RAB3IL1: variants seen among roughly 807,000 people sequenced by gnomAD.
RAB3IL1 encodes the protein RAB3A interacting protein like 1, also known as guanine nucleotide exchange factor for Rab-3A.
RAB3IL1 carries 37 observed loss-of-function variants against 49.2 expected under a neutral mutation model. The observed-to-expected ratio is 0.75, with a 90% CI of 0.58 to 0.99. RAB3IL1 has a LOEUF of 0.99. RAB3IL1 is among the 50% of genes least tolerant of loss of function. RAB3IL1 has a pLI of 0.00. For synonymous variants in RAB3IL1, 193 were observed against 213.9 expected, an observed-to-expected ratio of 0.90 and a Z score of 0.85; for missense variants, 484 against 513.0, an observed-to-expected ratio of 0.94 and a Z score of 0.55.
At chr11:61,900,253 C>T (rs1295036564) in intron 8 of RAB3IL1, among the ~76,000 whole-genome samples, 2 of 152,258 alleles carry the variant, frequency 1.3e-5, no homozygotes, top group Non-Finnish European at 1.5e-5. Context: ...CCCTCATTCT[C>T]CTGGGAGCTG....
chr11:61,898,216 G>T lies in RAB3IL1; in HGVS notation c.*62C>A, dbSNP rs779630673. 1.3e-6 allele frequency: 2 copies of T among 1,495,498 alleles called. No homozygotes were observed. Among genetic ancestry groups the T allele is most frequent in the Non-Finnish European group, 1.8e-6 (2 of 1,084,420 alleles). 92.6% of individuals were successfully genotyped at this position (1,495,498 alleles called of 1,614,324 possible). A position where few individuals can be genotyped will look rare whatever the true frequency, so the allele number is the denominator to read the frequency against. On this transcript the variant is annotated 3_prime_UTR_variant, in exon 10 of 10. Coordinates refer to ENST00000394836, the MANE Select transcript of RAB3IL1 (RefSeq NM_013401.4). This position sits in a 1 kb window ranked among gnomAD's most constrained non-coding sequence, Gnocchi z 5.1. ...CCAGGCCCCCGTCTCCCTGTGTGTC[G>T]GCTTGTTCTGGGGTGGGTGTTTGCT...
At chr11:61,912,781 C>T (rs762758518) in intron 1 of RAB3IL1, among the ~76,000 whole-genome samples, 3 of 151,942 alleles carry the variant, frequency 2.0e-5, no homozygotes, top group African/African-American at 4.8e-5. Context: ...TCTGAGACAG[C>T]GCCCAAGTAC....
At chr11:61,903,174 A>G (rs117828446) in intron 7 of RAB3IL1, among the ~76,000 whole-genome samples, 1,566 of 152,046 alleles carry the variant, frequency 0.01, 14 homozygotes, top group Admixed American at 0.023. Flanking sequence ...TTCACTGGCC[A>G]TCATCTGCTC....
chr11:61,931,326 C>G, the RAB3IL1 span, among the ~76,000 whole-genome samples: 1,754 of 152,286 alleles, frequency 0.012, 46 homozygotes, highest in African/African-American at 0.04. Context: ...CACTTGTCAG[C>G]CAAAGTGGCA....
At chr11:61,933,364 C>T in the RAB3IL1 span, among the ~76,000 whole-genome samples, 1 of 151,950 alleles carries the variant, frequency 6.6e-6, no homozygotes, top group Non-Finnish European at 1.5e-5. Flanking sequence ...AGTGTTGTGG[C>T]CAAAAGCCAA....
intron 1 of RAB3IL1, among the ~76,000 whole-genome samples, chr11:61,913,708 A>G (rs1388620138): frequency 7.2e-5 from 11 of 152,160 alleles, no homozygotes; most frequent in African/African-American, 2.4e-4. Flanking sequence ...GAAGACCTCC[A>G]ATAGCTAGTG....
the RAB3IL1 span, among the ~76,000 whole-genome samples, chr11:61,939,023 T>C: frequency 6.6e-6 from 1 of 152,008 alleles, no homozygotes; most frequent in Non-Finnish European, 1.5e-5. Context: ...AACTACACAC[T>C]AGATAAGGAC....
chr11:61,927,981 G>C, the RAB3IL1 span, among the ~76,000 whole-genome samples: 1 of 152,242 alleles, frequency 6.6e-6, no homozygotes, highest in South Asian at 2.1e-4. Flanking sequence ...GCTAGGTAAG[G>C]AGTTCAAACT....
At chr11:61,929,187 G>T in the RAB3IL1 span, among the ~76,000 whole-genome samples, 2 of 152,206 alleles carry the variant, frequency 1.3e-5, no homozygotes, top group East Asian at 3.9e-4. Flanking sequence ...ATCATCTCTT[G>T]TAGCTATTTT....
At chr11:61,924,723 C>T (rs1001080606), upstream of RAB3IL1, among the ~76,000 whole-genome samples, 1 of 152,110 alleles carries the variant, frequency 6.6e-6, no homozygotes, top group Non-Finnish European at 1.5e-5. Flanking sequence ...CTGGTGAACC[C>T]CTTTGGAAAT....
chr11:61,920,172 G>T, upstream of RAB3IL1: 1 of 1,314,360 alleles, frequency 7.6e-7, no homozygotes, highest in Non-Finnish European at 9.8e-7. Context: ...GGCACCCAGC[G>T]TGCTCCTCAG....
chr11:61,908,511 C>T (rs1939319063), intron 1 of RAB3IL1, among the ~76,000 whole-genome samples: 1 of 152,236 alleles, frequency 6.6e-6, no homozygotes, highest in Admixed American at 6.5e-5. Flanking sequence ...AGGCTTATTA[C>T]TCTTTGTCAA....
chr11:61,910,746 G>C (rs1939420868), intron 1 of RAB3IL1, among the ~76,000 whole-genome samples: 1 of 152,212 alleles, frequency 6.6e-6, no homozygotes, highest in African/African-American at 2.4e-5. Context: ...AGCCCTGTCT[G>C]GCACAGACAC....
chr11:61,939,755 G>T, the RAB3IL1 span, among the ~76,000 whole-genome samples: 2 of 151,904 alleles, frequency 1.3e-5, no homozygotes, highest in Non-Finnish European at 2.9e-5. Context: ...GTTCAAGACC[G>T]GCTTGGGCAA....
chr11:61,929,925 C>T, the RAB3IL1 span, among the ~76,000 whole-genome samples: 8 of 114,868 alleles, frequency 7.0e-5, no homozygotes, highest in South Asian at 6.5e-4. Flanking sequence ...GGTCTCACTC[C>T]GTTGTTGCCC....
At chr11:61,943,397 G>T in the RAB3IL1 span, among the ~76,000 whole-genome samples, 1 of 152,126 alleles carries the variant, frequency 6.6e-6, no homozygotes, top group South Asian at 2.1e-4. Flanking sequence ...AGAAGAAAAC[G>T]TACGGGTAAA....
chr11:61,939,783 T>G, the RAB3IL1 span, among the ~76,000 whole-genome samples: 9 of 152,034 alleles, frequency 5.9e-5, 1 homozygote, highest in Non-Finnish European at 2.9e-5. Flanking sequence ...AAACCTTGTC[T>G]CTGCTAAAAA....
Position 61,897,855 on chromosome 11 carries a change from G to A in RAB3IL1, c.*423C>T, listed in dbSNP as rs552399883. The A allele has an allele frequency of 8.9e-5, 15 of 167,650 alleles. No individual in the cohort carries two copies. In the South Asian group the frequency reaches 1.7e-3, roughly 19 times the overall value. The allele number at this position is 167,650 out of a possible 1,614,324, so 10.4% of individuals were successfully genotyped here. On this transcript the variant is annotated 3_prime_UTR_variant, in exon 10 of 10. Transcript: ENST00000394836. The stretch of plus-strand genomic sequence containing the variant: ...CCAGGGCTTGGCAGCTGGGGTGGAG[G>A]GTACCCTGGAGATCCAGCCACCCAG...
chr11:61,908,448 C>A (rs1939317209), intron 1 of RAB3IL1, 142 bp from the exon 2 acceptor site: 1 of 1,001,896 alleles, frequency 1.0e-6, no homozygotes, highest in Non-Finnish European at 1.4e-6. Flanking sequence ...TACCAGCTAT[C>A]ATCAGTGTTG....
Sources: allele counts gnomAD v4.1 joint callset (sites outside exome capture counted in the v4.1 genomes callset), GRCh38; gene constraint gnomAD v4.1.1; non-coding constraint Gnocchi (gnomAD v3.1); transcripts MANE v1.5; gene names NCBI Gene and HGNC (gene_info 2026-07-23, HGNC 2026-07-21).